Variants in WNK1 observed in about 807,000 individuals in gnomAD.
WNK1 encodes the protein serine/threonine-protein kinase WNK1.
WNK1 carries 38 observed loss-of-function variants against 222.8 expected under a neutral mutation model. The ratio of observed to expected loss-of-function variants is 0.17; its 90% CI spans 0.13 to 0.22. The LOEUF is 0.22. WNK1 is among the 10% of genes least tolerant of loss of function. The pLI, the probability that WNK1 is intolerant of heterozygous loss-of-function variation, is 1.00. For synonymous variants in WNK1, 1,090 were observed against 1,092.9 expected, an observed-to-expected ratio of 1.00 and a Z score of 0.05; for missense variants, 2,348 against 2,918.4, an observed-to-expected ratio of 0.80 and a Z score of 4.50.
intron 4 of WNK1, among the ~76,000 whole-genome samples, chr12:854,585 T>C (rs375688698): frequency 6.6e-6 from 1 of 151,792 alleles, no homozygotes; most frequent in African/African-American, 2.4e-5. Context: ...TGACCTCAGG[T>C]GATCCACCTG....
intron 4 of WNK1, among the ~76,000 whole-genome samples, chr12:845,363 C>T (rs1187884343): frequency 6.6e-6 from 1 of 152,110 alleles, no homozygotes; most frequent in Non-Finnish European, 1.5e-5. Flanking sequence ...ACAAACACAC[C>T]CACAGACCCC....
At chr12:787,509 A>G (rs1401176442) in intron 1 of WNK1, among the ~76,000 whole-genome samples, 1 of 152,206 alleles carries the variant, frequency 6.6e-6, no homozygotes. Flanking sequence ...AATGTTAGCT[A>G]TTATTAGGTG....
rs1044185999 is a variant in WNK1 at position 774,666 on chromosome 12, A to G, written c.759+20342A>G. ...TTAAATACTTTCTATTCATTGTAAG[A>G]TTGTTTTCCAGAAGAGTTATATAGA... On this transcript the variant is annotated intron_variant, in intron 1 of 27. Coordinates refer to ENST00000315939, the MANE Select transcript of WNK1 (RefSeq NM_018979.4). Among the ~76,000 whole-genome samples, 3 of 152,204 alleles carry G rather than the reference A, an allele frequency of 2.0e-5. No individual in the cohort carries two copies. The South Asian group carries it at 6.2e-4, about 31-fold the overall frequency.
rs557446707 is a variant in WNK1, at chr12:848,486, C to A, written c.1312-8675C>A. Among the ~76,000 whole-genome samples the A allele has an allele frequency of 1.8e-3, 238 of 130,492 alleles. 3 individuals carry two copies. The highest frequency in any genetic ancestry group is 6.4e-3 in the African/African-American group (230 of 36,000). 85.6% of individuals were successfully genotyped at this position (130,492 alleles called of 152,430 possible). ...AATGACTTGTGAGGCAGCAAAGAAG[C>A]CAGTAAAAACTTTTTTTTTTTTTTT... is the stretch of plus-strand genomic sequence containing the variant. On this transcript the variant is annotated intron_variant, in intron 4 of 27. Coordinates refer to ENST00000315939, the MANE Select transcript of WNK1 (RefSeq NM_018979.4).
At chr12:867,026 G>A (rs532480557) in intron 8 of WNK1, among the ~76,000 whole-genome samples, 1 of 152,266 alleles carries the variant, frequency 6.6e-6, no homozygotes, top group African/African-American at 2.4e-5. Flanking sequence ...GGGAGGCTGA[G>A]GCAGAAGAAT....
At chr12:838,381 A>G (rs1490836949) in intron 4 of WNK1, among the ~76,000 whole-genome samples, 1 of 151,884 alleles carries the variant, frequency 6.6e-6, no homozygotes, top group Non-Finnish European at 1.5e-5. Flanking sequence ...GAGAATTGTG[A>G]TCTCTTCATA....
At chr12:897,733 T>G in intron 25 of WNK1, 52 bp downstream of exon 25, 2 of 1,572,606 alleles carry the variant, frequency 1.3e-6, no homozygotes, top group Non-Finnish European at 1.7e-6. Context: ...TTTGTTTCTG[T>G]CTCCAGCTGT....
intron 1 of WNK1, among the ~76,000 whole-genome samples, chr12:771,682 G>A (rs1004490479): frequency 5.9e-5 from 9 of 152,254 alleles, no homozygotes; most frequent in African/African-American, 9.6e-5. Flanking sequence ...TGATCTGCCC[G>A]CCTCGGCCTC....
chr12:806,315 A>G (rs1946363848), intron 1 of WNK1, among the ~76,000 whole-genome samples: 1 of 152,184 alleles, frequency 6.6e-6, no homozygotes, highest in Non-Finnish European at 1.5e-5. Context: ...TTGTTTTTGG[A>G]AAGTATTGAG....
chr12:842,901 GACAGCTA>G (rs1328235770), intron 4 of WNK1, among the ~76,000 whole-genome samples: 9 of 152,140 alleles, frequency 5.9e-5, no homozygotes, highest in African/African-American at 2.2e-4. Context: ...AAGGGACCAA[GACAGCTA>G]ACAGACTCAA....
intron 8 of WNK1, chr12:865,331 A>T (rs1415548682): frequency 3.3e-6 from 5 of 1,536,148 alleles, no homozygotes; most frequent in East Asian, 4.9e-5. Flanking sequence ...GCAAGCACCG[A>T]CGCTCCAGCC....
At chr12:814,241 A>C (rs1460668542) in intron 2 of WNK1, among the ~76,000 whole-genome samples, 1 of 151,740 alleles carries the variant, frequency 6.6e-6, no homozygotes, top group African/African-American at 2.4e-5. Context: ...AGGCAGGAGA[A>C]TCGCTTGAAC....
chr12:883,301 T>C, intron 15 of WNK1, 94 bp from the exon 16 acceptor site: 3 of 1,400,320 alleles, frequency 2.1e-6, no homozygotes, highest in Non-Finnish European at 3.0e-6. Flanking sequence ...TAAATAAAAA[T>C]ATAGGTAAGT....
chr12:763,503 C>T (rs563900833), intron 1 of WNK1, among the ~76,000 whole-genome samples: 6 of 146,746 alleles, frequency 4.1e-5, no homozygotes, highest in African/African-American at 1.2e-4. Flanking sequence ...GCAGGAGAAT[C>T]ACTTGAACCC....
intron 26 of WNK1, chr12:901,105 A>G (rs1028089169): frequency 2.1e-5 from 6 of 292,646 alleles, no homozygotes; most frequent in Non-Finnish European, 3.3e-5. Flanking sequence ...TTTTTTATCC[A>G]TAATCTACTT....
chr12:817,965 G>GAAA (rs994262781), intron 2 of WNK1, among the ~76,000 whole-genome samples: 1 of 151,700 alleles, frequency 6.6e-6, no homozygotes, highest in African/African-American at 2.4e-5. Context: ...AAAAGAAAAA[G>GAAA]AAAAAAAATT....
At position 890,381 on chromosome 12, in the gene WNK1, A is replaced by C. The variant is rs866625392; in HGVS notation, c.5449-72A>C. ...TCTGCCCTTTTACAAAGACCATAGGAAAGGCAACGAGGCAAAAGTTTGAGT... is the reference window on the plus strand; with the variant it reads ...TCTGCCCTTTTACAAAGACCATAGGCAAGGCAACGAGGCAAAAGTTTGAGT... On this transcript the variant is annotated intron_variant, in intron 21 of 27. Transcript: ENST00000315939. 116 of 1,533,210 alleles carry C rather than the reference A, an allele frequency of 7.6e-5. No homozygotes were observed. The Middle Eastern group carries it at 4.1e-3, about 54-fold the overall frequency. 95.0% of individuals were successfully genotyped at this position (1,533,210 alleles called of 1,614,324 possible). A position where few individuals can be genotyped will look rare whatever the true frequency, so the allele number is the denominator to read the frequency against.
Position 887,227 on chromosome 12 carries a change from C to T in WNK1, c.5287C>T (p.Pro1763Ser). 6.2e-7 allele frequency: 1 copy of T among 1,614,162 alleles called. No homozygotes were observed. Among genetic ancestry groups the T allele is most frequent in the Non-Finnish European group, 8.5e-7 (1 of 1,179,994 alleles). Residue 1763 changes from proline (P) to serine (S), a missense_variant, in exon 20 of 28, where the codon CCA becomes TCA. Pro to Ser is a moderately conservative substitution (Grantham distance 74, BLOSUM62 -1). Around this residue, in one of 13 missense-constraint regions of WNK1, gnomAD observed 1,144 missense variants for 1,273.6 expected, o/e 0.90. Transcript: ENST00000315939. ...TTCCCTTTGTTGTCTGTAGGTGCTG[C>T]CAGTGGGTACTGAACTTCCAGCAGG... ...KPPLTKAPVL[P>S]VGTELPAGTL...
chr12:890,346 ATAC>A, intron 21 of WNK1, 104 bp from the exon 22 acceptor site: 1 of 1,080,036 alleles, frequency 9.3e-7, no homozygotes, highest in Non-Finnish European at 1.4e-6. Flanking sequence ...TTCATCACAT[ATAC>A]TGTCTTTCTG....
Sources: gnomAD v4.1 joint callset for allele counts (sites outside exome capture counted in the v4.1 genomes callset) on GRCh38, gnomAD v4.1.1 for gene constraint, gnomAD v4.1.1 regional missense constraint, MANE v1.5 for transcripts, NCBI Gene and HGNC (gene_info 2026-07-23, HGNC 2026-07-21) for gene names.